The following ZBTB46 variants were observed in gnomAD, a reference collection of about 807,000 sequenced individuals.
ZBTB46 encodes zinc finger and BTB domain-containing protein 46.
In ZBTB46, 8 loss-of-function variants were observed where a neutral mutation model predicts 44.1. The ratio of observed to expected loss-of-function variants is 0.18; its 90% CI spans 0.11 to 0.33. ZBTB46 has a LOEUF of 0.33. ZBTB46 is among the 10% of genes least tolerant of loss of function. The pLI is 1.00. For synonymous variants in ZBTB46, 409 were observed against 382.3 expected, an observed-to-expected ratio of 1.07 and a Z score of -0.81; for missense variants, 651 against 847.7, an observed-to-expected ratio of 0.77 and a Z score of 2.88.
intron 1 of ZBTB46, among the ~76,000 whole-genome samples, chr20:63,791,252 C>G: frequency 6.6e-6 from 1 of 152,192 alleles, no homozygotes; most frequent in East Asian, 1.9e-4. Context: ...TCCCAGCAAT[C>G]TGGGAGGCCG....
chr20:63,757,414 C>T (rs1439717390), intron 3 of ZBTB46, among the ~76,000 whole-genome samples: 1 of 152,174 alleles, frequency 6.6e-6, no homozygotes, highest in Non-Finnish European at 1.5e-5. Context: ...TGAGCCATCG[C>T]GCCTGGCCAC....
At chr20:63,771,603 C>T (rs4809337) in intron 3 of ZBTB46, among the ~76,000 whole-genome samples, 100,706 of 151,866 alleles carry the variant, frequency 0.66, 33,689 homozygotes, top group East Asian at 0.89. Context: ...GGCAGCCCCC[C>T]GAGAGGCCAG....
chr20:63,749,371 C>T lies in ZBTB46; in HGVS notation c.1399-2070G>A, dbSNP rs375955766. ...TATTTTTTTGAAACAGAGTCTCGCT[C>T]TGTCACCCAGGCTGGAGTGTAGTGT... On this transcript the variant is annotated intron_variant, in intron 4 of 4. Transcript: ENST00000245663. 1.1e-3 allele frequency among the ~76,000 whole-genome samples: 164 copies of T among 152,310 alleles called. 1 individual carries two copies. The highest frequency in any genetic ancestry group is 5.9e-4 in the Non-Finnish European group (40 of 68,036).
At chr20:63,820,292 G>T (rs897692976) in intron 1 of ZBTB46, among the ~76,000 whole-genome samples, 1 of 151,840 alleles carries the variant, frequency 6.6e-6, no homozygotes, top group Non-Finnish European at 1.5e-5. Flanking sequence ...ATAGAGACGG[G>T]GTTCCACTAT....
intron 3 of ZBTB46, among the ~76,000 whole-genome samples, chr20:63,764,028 G>A (rs2092298430): frequency 2.0e-5 from 3 of 151,706 alleles, no homozygotes; most frequent in Admixed American, 2.0e-4. Flanking sequence ...GAGTGCAGCA[G>A]TGCAGCCACA....
At chr20:63,813,325 T>C (rs1392648478) in intron 1 of ZBTB46, among the ~76,000 whole-genome samples, 1 of 151,832 alleles carries the variant, frequency 6.6e-6, no homozygotes, top group Non-Finnish European at 1.5e-5. Context: ...GGAGCGCGCC[T>C]GTAATCCCAG....
rs182132665 is a variant in ZBTB46, at chr20:63,822,503, G to A, written c.-34+8594C>T. On this transcript the variant is annotated intron_variant, in intron 1 of 4. Transcript: ENST00000245663. ...ATTCCATTTCAGTACAATGGGTTCC[G>A]TGATTGGCCAAGGCTGGGCTCAGTC... Among the ~76,000 whole-genome samples, 185 of 152,308 alleles carry A rather than the reference G, an allele frequency of 1.2e-3. 6 individuals are homozygous for A. The South Asian group carries it at 0.036, about 30-fold the overall frequency.
At position 63,823,978 on chromosome 20, in the gene ZBTB46, A is replaced by G. The variant is rs59572470; in HGVS notation, c.-34+7119T>C. Among the ~76,000 whole-genome samples, 79 of 152,146 alleles carry G rather than the reference A, an allele frequency of 5.2e-4. 6 individuals are homozygous for G. The East Asian group carries it at 0.015, about 29-fold the overall frequency. On this transcript the variant is annotated intron_variant, in intron 1 of 4. Transcript: ENST00000245663. The stretch of plus-strand genomic sequence containing the variant: ...CAGGACTAACGTAAACGACCAGATT[A>G]CACTTGAGAAGTGGAGATTTTGAGT...
chr20:63,751,461 G>C lies in ZBTB46; in HGVS notation c.1398+1225C>G, dbSNP rs2092161145. On this transcript the variant is annotated intron_variant, in intron 4 of 4. Transcript: ENST00000245663. ...TGGAGTGGCCCTTCGCCCACAGCCG[G>C]CCAGGCAAACACGGGGAGGCCAGGG... 2.0e-5 allele frequency among the ~76,000 whole-genome samples: 3 copies of C among 152,138 alleles called. No homozygotes were observed. In the South Asian group the frequency reaches 6.2e-4, roughly 31 times the overall value.
chr20:63,807,412 TTGGCTC>T, intron 1 of ZBTB46, among the ~76,000 whole-genome samples: 1 of 152,180 alleles, frequency 6.6e-6, no homozygotes, highest in African/African-American at 2.4e-5. Flanking sequence ...TGGCGCCATC[TTGGCTC>T]ACTGCAACTT....
At chr20:63,748,834 C>T (rs1271288410) in intron 4 of ZBTB46, among the ~76,000 whole-genome samples, 3 of 152,254 alleles carry the variant, frequency 2.0e-5, no homozygotes, top group African/African-American at 7.2e-5. Flanking sequence ...TCCAAACTCA[C>T]CAGTTTTCTC....
chr20:63,792,366 G>A (rs145564990), intron 1 of ZBTB46, among the ~76,000 whole-genome samples: 4 of 152,320 alleles, frequency 2.6e-5, no homozygotes, highest in East Asian at 1.9e-4. Flanking sequence ...CTAAGCGAGC[G>A]TGGGAGTATT....
chr20:63,817,434 G>T (rs2146067852), intron 1 of ZBTB46, among the ~76,000 whole-genome samples: 1 of 151,902 alleles, frequency 6.6e-6, no homozygotes, highest in South Asian at 2.1e-4. Flanking sequence ...AGAAAAAGAG[G>T]CCGGGTGCAG....
intron 1 of ZBTB46, among the ~76,000 whole-genome samples, chr20:63,809,249 G>A (rs1220522050): frequency 1.3e-5 from 2 of 152,152 alleles, no homozygotes; most frequent in Non-Finnish European, 2.9e-5. Flanking sequence ...GCAGCCCTGG[G>A]GGCCCCGCCG....
chr20:63,818,588 G>A (rs2092773281), intron 1 of ZBTB46, among the ~76,000 whole-genome samples: 1 of 152,150 alleles, frequency 6.6e-6, no homozygotes, highest in South Asian at 2.1e-4. Context: ...GGTCGCGGTG[G>A]CTCATGCCTG....
chr20:63,818,613 T>C lies in ZBTB46; in HGVS notation c.-34+12484A>G, dbSNP rs1221577533. ...GCTCATGCCTGTCATCCCAACACTT[T>C]AGGATGCCGAGGCGGACAGATCACA... On this transcript the variant is annotated intron_variant, in intron 1 of 4. Transcript: ENST00000245663. Among the ~76,000 whole-genome samples, 5 of 151,838 alleles carry C rather than the reference T, an allele frequency of 3.3e-5. No homozygotes were observed. The East Asian group carries it at 5.8e-4, about 18-fold the overall frequency.
chr20:63,769,321 TGAGGGTG>T (rs1237788716), intron 3 of ZBTB46: 7 of 985,424 alleles, frequency 7.1e-6, no homozygotes, highest in Non-Finnish European at 7.2e-6. Flanking sequence ...CCTGTGGCTC[TGAGGGTG>T]GAGGGTGGAG....
chr20:63,760,205 T>C (rs999932641), intron 3 of ZBTB46, among the ~76,000 whole-genome samples: 6 of 152,214 alleles, frequency 3.9e-5, no homozygotes, highest in African/African-American at 1.4e-4. Context: ...TTTTCTTCCG[T>C]TAAAATTGGA....
intron 1 of ZBTB46, among the ~76,000 whole-genome samples, chr20:63,796,871 TA>T: frequency 6.6e-6 from 1 of 151,972 alleles, no homozygotes; most frequent in Non-Finnish European, 1.5e-5. Context: ...AAATTTTGCT[TA>T]AAATGTAATC....
Sources: gnomAD v4.1 joint callset for allele counts (sites outside exome capture counted in the v4.1 genomes callset) on GRCh38, gnomAD v4.1.1 for gene constraint, MANE v1.5 for transcripts, NCBI Gene and HGNC (gene_info 2026-07-23, HGNC 2026-07-21) for gene names.